Variants in ROBO2 observed in about 807,000 individuals in gnomAD.
The protein encoded by ROBO2 is roundabout homolog 2.
Under a neutral mutation model 160.8 loss-of-function variants are expected in ROBO2, and 53 were observed. The ratio of observed to expected loss-of-function variants is 0.33; its 90% confidence interval spans 0.26 to 0.41. The LOEUF (loss-of-function observed/expected upper bound fraction) is 0.41. ROBO2 is among the 10% of genes least tolerant of loss of function. ROBO2 has a pLI of 1.00. For synonymous variants in ROBO2, 664 were observed against 611.7 expected, an observed-to-expected ratio of 1.09 and a Z score of -1.26; for missense variants, 1,577 against 1,722.4, an observed-to-expected ratio of 0.92 and a Z score of 1.49.
At chr3:77,502,628 T>A (rs2153608538) in intron 5 of ROBO2, among the ~76,000 whole-genome samples, 1 of 152,218 alleles carries the variant, frequency 6.6e-6, no homozygotes, top group South Asian at 2.1e-4. Context: ...CATCTATGGG[T>A]GCCACATCTG....
chr3:76,680,783 T>C (rs1456394992), intron 2 of ROBO2, among the ~76,000 whole-genome samples: 1 of 152,100 alleles, frequency 6.6e-6, no homozygotes, highest in East Asian at 1.9e-4. Context: ...TTATTTTTAT[T>C]TTATATTTTT....
intron 2 of ROBO2, among the ~76,000 whole-genome samples, chr3:77,012,988 G>C (rs182255268): frequency 4.6e-5 from 7 of 152,272 alleles, no homozygotes. Context: ...TTGAGAGGAA[G>C]AAGTGTTTTA....
chr3:76,545,593 A>C (rs1297219655), intron 2 of ROBO2, among the ~76,000 whole-genome samples: 2 of 151,956 alleles, frequency 1.3e-5, no homozygotes, highest in African/African-American at 4.8e-5. Flanking sequence ...AATCATGTTC[A>C]GTTACAGCCT....
chr3:75,981,611 T>C (rs2065277027), intron 2 of ROBO2, among the ~76,000 whole-genome samples: 1 of 151,190 alleles, frequency 6.6e-6, no homozygotes, highest in Non-Finnish European at 1.5e-5. Flanking sequence ...TTAAATTGTT[T>C]TTTATTTTTA....
intron 2 of ROBO2, among the ~76,000 whole-genome samples, chr3:76,158,881 T>C (rs889900879): frequency 6.6e-6 from 1 of 152,190 alleles, no homozygotes; most frequent in African/African-American, 2.4e-5. Flanking sequence ...ATCTTTACCA[T>C]AAAAATATAG....
chr3:75,981,487 C>T (rs2065272021), intron 2 of ROBO2, among the ~76,000 whole-genome samples: 1 of 151,112 alleles, frequency 6.6e-6, no homozygotes, highest in Admixed American at 6.6e-5. Context: ...TGAATGCCTA[C>T]TATGTGTGAG....
At chr3:76,921,447 A>G (rs989451546) in intron 2 of ROBO2, among the ~76,000 whole-genome samples, 2 of 152,114 alleles carry the variant, frequency 1.3e-5, no homozygotes, top group Non-Finnish European at 2.9e-5. Context: ...TCCCATCTCC[A>G]CTAAAAGTAC....
At chr3:76,911,879 A>C (rs1334682526) in intron 2 of ROBO2, among the ~76,000 whole-genome samples, 1 of 152,186 alleles carries the variant, frequency 6.6e-6, no homozygotes, top group Non-Finnish European at 1.5e-5. Context: ...AGGCAGGCAA[A>C]TATGACTTGA....
intron 5 of ROBO2, among the ~76,000 whole-genome samples, chr3:77,518,250 A>G (rs2090227230): frequency 6.6e-6 from 1 of 151,482 alleles, no homozygotes. Context: ...GACAGGATTC[A>G]AGTGTTGATG....
chr3:76,962,220 A>C (rs2079718084), intron 2 of ROBO2, among the ~76,000 whole-genome samples: 1 of 152,096 alleles, frequency 6.6e-6, no homozygotes, highest in Non-Finnish European at 1.5e-5. Context: ...CTGTAATCCA[A>C]GCTACTTGGG....
At chr3:77,279,327 G>A (rs1379839686) in intron 2 of ROBO2, among the ~76,000 whole-genome samples, 1 of 151,732 alleles carries the variant, frequency 6.6e-6, no homozygotes, top group East Asian at 1.9e-4. Flanking sequence ...ACTTAATGAC[G>A]GCATTGCTTA....
At chr3:77,292,576 A>T (rs1243605139) in intron 2 of ROBO2, among the ~76,000 whole-genome samples, 1 of 151,622 alleles carries the variant, frequency 6.6e-6, no homozygotes, top group Non-Finnish European at 1.5e-5. Context: ...TGATGGTTAA[A>T]TGGGTAAGCT....
chr3:76,668,451 T>C (rs2092139047), intron 2 of ROBO2, among the ~76,000 whole-genome samples: 1 of 152,154 alleles, frequency 6.6e-6, no homozygotes, highest in Non-Finnish European at 1.5e-5. Flanking sequence ...AAGTCCCTGG[T>C]AGAAGATGGC....
intron 2 of ROBO2, among the ~76,000 whole-genome samples, chr3:76,386,198 C>T (rs2076872660): frequency 6.6e-6 from 1 of 151,996 alleles, no homozygotes; most frequent in African/African-American, 2.4e-5. Context: ...TGTATTCATG[C>T]ACATTTAATA....
chr3:76,922,736 C>T (rs555674401), intron 2 of ROBO2, among the ~76,000 whole-genome samples: 2 of 152,304 alleles, frequency 1.3e-5, no homozygotes, highest in African/African-American at 2.4e-5. Flanking sequence ...TCACTTCTCC[C>T]AGCCGCCGAT....
At chr3:77,527,406 G>C in intron 6 of ROBO2, 1 of 1,287,444 alleles carries the variant, frequency 7.8e-7, no homozygotes, top group Non-Finnish European at 1.0e-6. Context: ...TCTACAGCTC[G>C]CCCTGTTGGT....
At chr3:76,719,445 C>T (rs747405219) in intron 2 of ROBO2, among the ~76,000 whole-genome samples, 6 of 152,158 alleles carry the variant, frequency 3.9e-5, no homozygotes, top group Non-Finnish European at 5.9e-5. Context: ...AAGCGGTCCT[C>T]CTGCCTCATC....
chr3:76,142,853 T>C (rs2071728394), intron 2 of ROBO2, among the ~76,000 whole-genome samples: 1 of 152,016 alleles, frequency 6.6e-6, no homozygotes, highest in Admixed American at 6.6e-5. Flanking sequence ...TGAATACCTA[T>C]TCTCCATGTG....
At chr3:77,070,186 A>G (rs1371696164) in intron 1 of ROBO2, among the ~76,000 whole-genome samples, 1 of 152,180 alleles carries the variant, frequency 6.6e-6, no homozygotes, top group Non-Finnish European at 1.5e-5. Flanking sequence ...AGAAGGAACC[A>G]ACTCTGCCAA....
Sources: allele counts gnomAD v4.1 joint callset (sites outside exome capture counted in the v4.1 genomes callset), GRCh38; gene constraint gnomAD v4.1.1; transcripts MANE v1.5; gene names NCBI Gene and HGNC (gene_info 2026-07-23, HGNC 2026-07-21).